Variants in SENP7 observed in about 807,000 individuals in gnomAD.
The protein encoded by SENP7 is sentrin-specific protease 7.
Under a neutral mutation model 141.2 loss-of-function variants are expected in SENP7, and 64 were observed. That is an observed-to-expected ratio of 0.45 (90% CI 0.37 to 0.56). The LOEUF (loss-of-function observed/expected upper bound fraction) is 0.56. Among genes scored for constraint, SENP7 ranks in the 20% least tolerant of loss-of-function variants. The pLI is 0.00. For synonymous variants in SENP7, 382 were observed against 426.4 expected (o/e 0.90, Z 1.28); for missense variants, 1,025 against 1,212.2 (o/e 0.85, Z 2.29).
At position 101,372,121 on chromosome 3, in the gene SENP7, G is replaced by A. The variant is rs769641825; in HGVS notation, c.683C>T (p.Ser228Leu). ...HKSCYLSERG[S>L]QRSKTVDDNS... ...GTCATCTACTGTCTTACTTCGTTGT[G>A]AGCCCCTGCAAAAGAGAACTGTATT... The change falls in exon 7 of 24, where the codon TCA (serine) becomes TTA (leucine). Residue 228 changes from serine (S) to leucine (L), a missense_variant. Transcript: ENST00000394095. 17 of 1,531,568 alleles carry A rather than the reference G, an allele frequency of 1.1e-5. No homozygotes were observed. In the South Asian group the frequency reaches 2.0e-4, roughly 18 times the overall value. 94.9% of individuals were successfully genotyped at this position (1,531,568 alleles called of 1,614,324 possible).
At chr3:101,361,382 G>A (rs1355889658) in intron 11 of SENP7, among the ~76,000 whole-genome samples, 2 of 152,010 alleles carry the variant, frequency 1.3e-5, no homozygotes, top group Non-Finnish European at 2.9e-5. Flanking sequence ...GTTTAAACTG[G>A]TAAAACAAGA....
At chr3:101,467,555 C>G (rs1011899489) in intron 3 of SENP7, among the ~76,000 whole-genome samples, 6 of 152,224 alleles carry the variant, frequency 3.9e-5, no homozygotes, top group African/African-American at 1.4e-4. Flanking sequence ...TGGTGATACC[C>G]AGGCAAACTG....
intron 3 of SENP7, among the ~76,000 whole-genome samples, chr3:101,484,855 T>C (rs62280738): frequency 0.065 from 9,846 of 152,024 alleles, 467 homozygotes; most frequent in Non-Finnish European, 0.097. Flanking sequence ...TTCTAACCAT[T>C]TGAACGGGGT....
At chr3:101,452,011 A>G (rs1330258925) in intron 4 of SENP7, among the ~76,000 whole-genome samples, 2 of 152,246 alleles carry the variant, frequency 1.3e-5, no homozygotes, top group East Asian at 1.9e-4. Flanking sequence ...CAACTTCAGC[A>G]AAGTCTCAGG....
At chr3:101,443,334 G>A (rs922406820) in intron 4 of SENP7, among the ~76,000 whole-genome samples, 2 of 152,066 alleles carry the variant, frequency 1.3e-5, no homozygotes, top group Admixed American at 6.6e-5. Flanking sequence ...CCAGTACCAT[G>A]CTGTTTTGGT....
At chr3:101,510,595 G>A (rs1204566218) in intron 1 of SENP7, among the ~76,000 whole-genome samples, 1 of 152,144 alleles carries the variant, frequency 6.6e-6, no homozygotes. Flanking sequence ...GCTCACGCCT[G>A]TAATTCCAGC....
intron 5 of SENP7, among the ~76,000 whole-genome samples, chr3:101,411,110 G>C (rs2061445860): frequency 6.6e-6 from 1 of 152,010 alleles, no homozygotes; most frequent in African/African-American, 2.4e-5. Context: ...TCTACACATT[G>C]ATCTTCTCAT....
At position 101,351,670 on chromosome 3, in the gene SENP7, A is replaced by G; in HGVS notation, c.1624-19T>C. 2 of 1,342,428 alleles carry G rather than the reference A, an allele frequency of 1.5e-6. No homozygotes were observed. The highest frequency in any genetic ancestry group is 1.9e-6 in the Non-Finnish European group (2 of 1,028,792). 83.2% of individuals were successfully genotyped at this position (1,342,428 alleles called of 1,614,324 possible). A position where few individuals can be genotyped will look rare whatever the true frequency, so the allele number is the denominator to read the frequency against. Reference sequence around the variant, plus strand: ...TTGTGATCTGAAGAAAAAATTAAAAAGCAAACAATGAGTTACCACTCAAAA... The same window carrying G: ...TTGTGATCTGAAGAAAAAATTAAAAGGCAAACAATGAGTTACCACTCAAAA... On this transcript the variant is annotated intron_variant, in intron 11 of 23. Coordinates refer to ENST00000394095, the MANE Select transcript of SENP7 (RefSeq NM_020654.5).
At chr3:101,454,443 T>G (rs922680837) in intron 4 of SENP7, among the ~76,000 whole-genome samples, 2 of 151,830 alleles carry the variant, frequency 1.3e-5, no homozygotes, top group Non-Finnish European at 2.9e-5. Flanking sequence ...GCCTGGGAGA[T>G]GGAGGCTGCA....
chr3:101,380,416 G>T (rs2060462697), intron 6 of SENP7, among the ~76,000 whole-genome samples: 1 of 111,164 alleles, frequency 9.0e-6, no homozygotes. Flanking sequence ...AAATCTTCTA[G>T]AACGTAAAGC....
chr3:101,343,880 T>G lies in SENP7; in HGVS notation c.1912A>C (p.Ile638Leu). The change falls in exon 14 of 24, where the codon ATT (isoleucine) becomes CTT (leucine). Residue 638 changes from isoleucine to leucine, a missense_variant. Physicochemically the swap from Ile to Leu is conservative, Grantham distance 5. Around this residue, in one of 4 missense-constraint regions of SENP7, gnomAD observed 228 missense variants for 228.5 expected, o/e 1.00. Coordinates refer to ENST00000394095, the MANE Select transcript of SENP7 (RefSeq NM_020654.5). ...SQREELKLKD[I>L]MTEISIISGE... Reference sequence around the variant, plus strand: ...CTGATTATACTTATTTCCGTCATAATATCTTTCAGCTTCAATTCTTCTCTT... The same window carrying G: ...CTGATTATACTTATTTCCGTCATAAGATCTTTCAGCTTCAATTCTTCTCTT... The G allele has an allele frequency of 6.2e-7, 1 of 1,612,900 alleles. No individual in the cohort carries two copies.
intron 3 of SENP7, among the ~76,000 whole-genome samples, chr3:101,470,179 G>T (rs971148417): frequency 1.3e-5 from 2 of 152,088 alleles, no homozygotes; most frequent in African/African-American, 4.8e-5. Context: ...ACAGAAGGAA[G>T]AGCAAACAAA....
intron 3 of SENP7, among the ~76,000 whole-genome samples, chr3:101,480,306 C>G (rs2064415167): frequency 6.6e-6 from 1 of 152,076 alleles, no homozygotes; most frequent in African/African-American, 2.4e-5. Context: ...CAGCATAGTA[C>G]TGGTATTAAA....
In SENP7 at chr3:101,325,257, T is replaced by A. The variant is rs55844239; in HGVS notation, c.*686A>T. 231 of 150,746 alleles carry A rather than the reference T, an allele frequency of 1.5e-3. No individual in the cohort carries two copies. The highest frequency in any genetic ancestry group is 5.4e-3 in the African/African-American group (220 of 40,992). The allele number at this position is 150,746 out of a possible 1,614,324, so 9.3% of individuals were successfully genotyped here. A position where few individuals can be genotyped will look rare whatever the true frequency, so the allele number is the denominator to read the frequency against. Reference sequence around the variant, plus strand: ...TGTTTCAAATTTTACCCTGAACAAATGAACTAAATTATAAGATACTCACAT... The same window carrying A: ...TGTTTCAAATTTTACCCTGAACAAAAGAACTAAATTATAAGATACTCACAT... On this transcript the variant is annotated 3_prime_UTR_variant, in exon 24 of 24. Transcript: ENST00000394095.
intron 5 of SENP7, among the ~76,000 whole-genome samples, chr3:101,412,032 A>C (rs1427913837): frequency 6.6e-6 from 1 of 152,160 alleles, no homozygotes; most frequent in African/African-American, 2.4e-5. Flanking sequence ...TTTAAATAGC[A>C]AGGAAACTGT....
chr3:101,428,930 C>T (rs1267994123), intron 4 of SENP7, among the ~76,000 whole-genome samples: 1 of 152,138 alleles, frequency 6.6e-6, no homozygotes, highest in African/African-American at 2.4e-5. Context: ...TTACACAACA[C>T]CATTTATTAA....
chr3:101,393,483 C>T (rs570444194), intron 6 of SENP7, among the ~76,000 whole-genome samples: 1 of 152,154 alleles, frequency 6.6e-6, no homozygotes, highest in Admixed American at 6.5e-5. Context: ...GAAACTCAAA[C>T]AACTCTATAA....
Position 101,503,828 on chromosome 3 carries a change from TC to T in SENP7, c.41-2710del, listed in dbSNP as rs148724617. 9.4e-3 allele frequency among the ~76,000 whole-genome samples: 1,436 copies of T among 152,146 alleles called. 28 individuals carry two copies. Among genetic ancestry groups the T allele is most frequent in the African/African-American group, 0.033 (1,351 of 41,502 alleles). ...TGAGTGTGGTGGTGTGCACCTGCAC[TC>T]CCAGCTACTCAGTAGGCTGAGGTGG... On this transcript the variant is annotated intron_variant, in intron 1 of 23. Transcript: ENST00000394095.
intron 12 of SENP7, among the ~76,000 whole-genome samples, chr3:101,351,040 C>T (rs543227456): frequency 6.6e-6 from 1 of 152,042 alleles, no homozygotes; most frequent in East Asian, 1.9e-4. Context: ...TAATTCCTAT[C>T]TATGCCATTT....
Sources: gnomAD v4.1 joint callset for allele counts (sites outside exome capture counted in the v4.1 genomes callset) on GRCh38, gnomAD v4.1.1 for gene constraint, gnomAD v4.1.1 regional missense constraint, MANE v1.5 for transcripts, NCBI Gene and HGNC (gene_info 2026-07-23, HGNC 2026-07-21) for gene names.